Variants in FSTL5 observed in about 807,000 individuals in gnomAD.
FSTL5 encodes follistatin like 5.
A neutral mutation model predicts 89.1 loss-of-function variants in FSTL5; 62 were observed. The ratio of observed to expected loss-of-function variants is 0.70; its 90% CI spans 0.57 to 0.86. The LOEUF is 0.86. Ranked by LOEUF, FSTL5 falls within the 40% of genes least tolerant of loss-of-function variation. The pLI, the probability that FSTL5 is intolerant of heterozygous loss-of-function variation, is 0.00. For synonymous variants in FSTL5, 383 were observed against 346.2 expected, an observed-to-expected ratio of 1.11 and a Z score of -1.18; for missense variants, 1,057 against 1,001.6, an observed-to-expected ratio of 1.06 and a Z score of -0.75.
intron 4 of FSTL5, among the ~76,000 whole-genome samples, chr4:161,853,620 T>C (rs1731630442): frequency 6.6e-6 from 1 of 152,142 alleles, no homozygotes; most frequent in African/African-American, 2.4e-5. Context: ...CATTTATTTG[T>C]TGCTTTTTGT....
intron 3 of FSTL5, among the ~76,000 whole-genome samples, chr4:161,967,207 G>A (rs1458537733): frequency 1.3e-5 from 2 of 151,818 alleles, no homozygotes; most frequent in Non-Finnish European, 2.9e-5. Flanking sequence ...TCTTAAAATT[G>A]TCCAGAGGCA....
At chr4:161,434,600 C>G (rs979221739) in intron 15 of FSTL5, among the ~76,000 whole-genome samples, 72 of 151,788 alleles carry the variant, frequency 4.7e-4, no homozygotes, top group African/African-American at 1.7e-3. Context: ...AGCTTCTGCA[C>G]AGCAAAGGAA....
At chr4:161,632,379 C>T (rs1482604610) in intron 7 of FSTL5, among the ~76,000 whole-genome samples, 1 of 151,688 alleles carries the variant, frequency 6.6e-6, no homozygotes, top group African/African-American at 2.4e-5. Context: ...GACTCCGCCC[C>T]CAAAATCAAA....
At chr4:161,804,814 A>G (rs1729907897) in intron 4 of FSTL5, among the ~76,000 whole-genome samples, 1 of 152,054 alleles carries the variant, frequency 6.6e-6, no homozygotes, top group South Asian at 2.1e-4. Flanking sequence ...CATTATCTAA[A>G]TTGCAATTGT....
Position 161,457,644 on chromosome 4 carries a change from T to A in FSTL5, c.1716+1568A>T, listed in dbSNP as rs186919863. On this transcript the variant is annotated intron_variant, in intron 14 of 15. Coordinates refer to ENST00000306100, the MANE Select transcript of FSTL5 (RefSeq NM_020116.5). ...AAAAATATATGCAGCTTTAGTTTTT[T>A]AAAAAAAAAGACATGAAAAAATTAA... 6.9e-4 allele frequency among the ~76,000 whole-genome samples: 104 copies of A among 150,960 alleles called. No individual in the cohort carries two copies. The East Asian group carries it at 0.015, about 22-fold the overall frequency.
intron 12 of FSTL5, among the ~76,000 whole-genome samples, chr4:161,484,993 A>T (rs1408195916): frequency 6.6e-6 from 1 of 152,202 alleles, no homozygotes; most frequent in Non-Finnish European, 1.5e-5. Context: ...GTTGGAAAAA[A>T]ATAAGAAAAA....
chr4:161,497,006 T>C (rs765929990), intron 12 of FSTL5, among the ~76,000 whole-genome samples: 2 of 152,164 alleles, frequency 1.3e-5, no homozygotes, highest in Non-Finnish European at 2.9e-5. Flanking sequence ...GAATTAGAAA[T>C]ATATTATTAA....
At chr4:162,137,632 C>A (rs530028395) in intron 1 of FSTL5, among the ~76,000 whole-genome samples, 1 of 152,166 alleles carries the variant, frequency 6.6e-6, no homozygotes, top group Non-Finnish European at 1.5e-5. Context: ...AATAAGTTGT[C>A]CTTCTTTGGC....
At chr4:161,495,427 T>C (rs1730033597) in intron 12 of FSTL5, 1 of 152,132 alleles carries the variant, frequency 6.6e-6, no homozygotes, top group South Asian at 2.1e-4. Context: ...TGAAATAGAA[T>C]TCTATTTGCT....
At chr4:161,588,623 T>G (rs1227249259) in intron 7 of FSTL5, among the ~76,000 whole-genome samples, 1 of 152,172 alleles carries the variant, frequency 6.6e-6, no homozygotes, top group Admixed American at 6.5e-5. Context: ...AAAATCAATT[T>G]TTTTCAGAAT....
intron 3 of FSTL5, among the ~76,000 whole-genome samples, chr4:161,947,214 A>G (rs1298429908): frequency 6.6e-6 from 1 of 151,542 alleles, no homozygotes; most frequent in African/African-American, 2.4e-5. Context: ...AAATTCCTCA[A>G]TAGAGCATTT....
chr4:161,917,122 T>C (rs911057395), intron 4 of FSTL5, among the ~76,000 whole-genome samples: 1 of 152,048 alleles, frequency 6.6e-6, no homozygotes. Context: ...CTGACTAATT[T>C]TTTTGTATTT....
intron 4 of FSTL5, among the ~76,000 whole-genome samples, chr4:161,908,232 T>C (rs1733591430): frequency 6.6e-6 from 1 of 152,040 alleles, no homozygotes; most frequent in African/African-American, 2.4e-5. Context: ...TTTCCATCTT[T>C]ACAGAGAACC....
chr4:161,820,826 A>G (rs954365840), intron 4 of FSTL5, among the ~76,000 whole-genome samples: 4 of 152,122 alleles, frequency 2.6e-5, no homozygotes, highest in African/African-American at 9.7e-5. Context: ...TGAGCATTAA[A>G]AAGATGTCAA....
chr4:162,074,839 C>A (rs1444044461), intron 2 of FSTL5, among the ~76,000 whole-genome samples: 1 of 151,594 alleles, frequency 6.6e-6, no homozygotes, highest in Non-Finnish European at 1.5e-5. Context: ...TAATACCGAA[C>A]ACTTAGCCTA....
chr4:161,705,598 G>T (rs1308862249), intron 6 of FSTL5, among the ~76,000 whole-genome samples: 1 of 151,274 alleles, frequency 6.6e-6, no homozygotes, highest in Non-Finnish European at 1.5e-5. Flanking sequence ...CTGAATTCCG[G>T]GTCAACTGCC....
intron 6 of FSTL5, among the ~76,000 whole-genome samples, chr4:161,661,548 C>G (rs1214573219): frequency 6.6e-6 from 1 of 151,920 alleles, no homozygotes; most frequent in Non-Finnish European, 1.5e-5. Flanking sequence ...ATAAGATAAC[C>G]ACAATTACTT....
intron 2 of FSTL5, among the ~76,000 whole-genome samples, chr4:162,089,652 A>AG (rs1561012734): frequency 1.7e-3 from 14 of 8,442 alleles, no homozygotes; most frequent in South Asian, 2.7e-3. Context: ...AAAAAAAAAG[A>AG]AAAAAAAGAA....
intron 4 of FSTL5, among the ~76,000 whole-genome samples, chr4:161,802,306 C>T (rs914632399): frequency 6.6e-6 from 1 of 151,642 alleles, no homozygotes; most frequent in Non-Finnish European, 1.5e-5. Flanking sequence ...ATTTGTCTAA[C>T]CAGTCAATAT....
Sources: allele counts gnomAD v4.1 joint callset (sites outside exome capture counted in the v4.1 genomes callset), GRCh38; gene constraint gnomAD v4.1.1; transcripts MANE v1.5; gene names NCBI Gene and HGNC (gene_info 2026-07-23, HGNC 2026-07-21).